Variants in PDLIM4 observed in about 807,000 individuals in gnomAD.
The protein encoded by PDLIM4 is PDZ and LIM domain 4.
A neutral mutation model predicts 31.3 loss-of-function variants in PDLIM4; 19 were observed. The ratio of observed to expected loss-of-function variants is 0.61; its 90% CI spans 0.42 to 0.89. The LOEUF (loss-of-function observed/expected upper bound fraction) is 0.89, where lower values mean the gene tolerates loss of function less well. Among genes scored for constraint, PDLIM4 ranks in the 40% least tolerant of loss-of-function variants. The pLI is 0.00. For missense variants in PDLIM4, 442 were observed against 461.1 expected (o/e 0.96, Z 0.38); for synonymous variants, 176 against 190.1 (o/e 0.93, Z 0.61).
chr5:132,263,518 G>C (rs1339368277), intron 2 of PDLIM4, among the ~76,000 whole-genome samples: 1 of 152,056 alleles, frequency 6.6e-6, no homozygotes, highest in Non-Finnish European at 1.5e-5. Context: ...GGGTGGGGGT[G>C]GGGGGACCCA....
At chr5:132,271,687 A>C (rs1756621875) in intron 5 of PDLIM4, 104 bp from the exon 6 acceptor site, 10 of 994,448 alleles carry the variant, frequency 1.0e-5, no homozygotes, top group Non-Finnish European at 1.6e-5. Flanking sequence ...CCCGTTCCCC[A>C]GTCTCGGGTG....
intron 3 of PDLIM4, chr5:132,270,372 T>G (rs1400619504): frequency 6.5e-6 from 1 of 153,404 alleles, no homozygotes; most frequent in Non-Finnish European, 1.5e-5. Flanking sequence ...AATGGCACTC[T>G]TGAGCCTCAG....
Position 132,258,594 on chromosome 5 carries a change from T to G in PDLIM4, c.93+767T>G, listed in dbSNP as rs749752650. 5.6e-4 allele frequency among the ~76,000 whole-genome samples: 85 copies of G among 152,054 alleles called. 1 individual carries two copies. The highest frequency in any genetic ancestry group is 9.2e-4 in the Admixed American group (14 of 15,278). On this transcript the variant is annotated intron_variant, in intron 1 of 6. Transcript: ENST00000253754. The stretch of plus-strand genomic sequence containing the variant: ...GGAGTGGAGGAGGTGACTCAGGCCC[T>G]GTTCGAGGGGGTGCCTGTCTAGGGG...
intron 3 of PDLIM4, among the ~76,000 whole-genome samples, chr5:132,267,753 G>A (rs1561522401): frequency 6.6e-6 from 1 of 152,170 alleles, no homozygotes; most frequent in Admixed American, 6.5e-5. Context: ...GGTGAGAGAT[G>A]AGGTGGTGGA....
intron 1 of PDLIM4, among the ~76,000 whole-genome samples, chr5:132,260,443 G>A (rs575088189): frequency 9.2e-5 from 14 of 152,210 alleles, no homozygotes; most frequent in African/African-American, 3.1e-4. Context: ...ACAAGACTCT[G>A]CAATATCTGA....
At position 132,272,305 on chromosome 5, in the gene PDLIM4, T is replaced by C; in HGVS notation, c.*76T>C. 8.1e-7 allele frequency: 1 copy of C among 1,228,740 alleles called. No individual in the cohort carries two copies. The highest frequency in any genetic ancestry group is 1.2e-6 in the Non-Finnish European group (1 of 850,404). 76.1% of individuals were successfully genotyped at this position (1,228,740 alleles called of 1,614,324 possible). On this transcript the variant is annotated 3_prime_UTR_variant, in exon 7 of 7. Coordinates refer to ENST00000253754, the MANE Select transcript of PDLIM4 (RefSeq NM_003687.4). ...GTAAATATGTTTCACCCTGTCCCTC[T>C]AATAAAGCTCCTCTGCTCCACCTTG...
chr5:132,271,583 C>T (rs1174164146), intron 5 of PDLIM4, 117 bp downstream of exon 5: 7 of 1,152,822 alleles, frequency 6.1e-6, no homozygotes, highest in Non-Finnish European at 9.0e-6. Flanking sequence ...TCTCTGCGGC[C>T]CGGTCCCACG....
intron 1 of PDLIM4, among the ~76,000 whole-genome samples, chr5:132,259,781 T>C (rs1756334563): frequency 6.6e-6 from 1 of 152,084 alleles, no homozygotes; most frequent in African/African-American, 2.4e-5. Context: ...GGCTGGGGGC[T>C]TGCAATCTCA....
At chr5:132,259,381 C>T (rs986121848) in intron 1 of PDLIM4, among the ~76,000 whole-genome samples, 3 of 152,098 alleles carry the variant, frequency 2.0e-5, no homozygotes, top group African/African-American at 7.2e-5. Context: ...GTCACAGCTG[C>T]GGCTGCGGCA....
chr5:132,271,533 C>T (rs1417537329), intron 5 of PDLIM4, 67 bp downstream of exon 5: 2 of 1,510,678 alleles, frequency 1.3e-6, no homozygotes, highest in Non-Finnish European at 1.8e-6. Context: ...TGCCCCCTAG[C>T]GACCCCACGT....
chr5:132,264,781 G>C (rs1756453747), intron 2 of PDLIM4, among the ~76,000 whole-genome samples: 1 of 129,542 alleles, frequency 7.7e-6, no homozygotes, highest in African/African-American at 3.0e-5. Context: ...CACCCACACA[G>C]CAAGGGCTCT....
At chr5:132,264,583 G>A (rs1174141177) in intron 2 of PDLIM4, among the ~76,000 whole-genome samples, 1 of 64,992 alleles carries the variant, frequency 1.5e-5, no homozygotes. Context: ...GTCCTGCCCT[G>A]CAGCCCCCTC....
At position 132,272,108 on chromosome 5, in the gene PDLIM4, G is replaced by C; in HGVS notation, c.872G>C (p.Arg291Pro). Residue 291 changes from arginine (R) to proline (P), a missense_variant, in exon 7 of 7, where the codon CGT becomes CCT. Physicochemically the swap from Arg to Pro is moderately radical, Grantham distance 103. Coordinates refer to ENST00000253754, the MANE Select transcript of PDLIM4 (RefSeq NM_003687.4). ...CSDCGLNLKQ[R>P]GYFFLDERLY... ...GACTGCGGCCTGAACCTCAAGCAGC[G>C]TGGTTACTTCTTTCTGGACGAGCGG... 7 of 1,614,218 alleles carry C rather than the reference G, an allele frequency of 4.3e-6. No individual in the cohort carries two copies. The highest frequency in any genetic ancestry group is 5.9e-6 in the Non-Finnish European group (7 of 1,180,022).
chr5:132,262,441 A>T (rs1215214030), intron 1 of PDLIM4, among the ~76,000 whole-genome samples, 168 bp from the exon 2 acceptor site: 1 of 152,212 alleles, frequency 6.6e-6, no homozygotes, highest in African/African-American at 2.4e-5. Context: ...GCAAGGCTGC[A>T]GCCAGGCTAC....
At chr5:132,271,987 A>C in intron 6 of PDLIM4, 38 bp from the exon 7 acceptor site, 1 of 1,603,614 alleles carries the variant, frequency 6.2e-7, no homozygotes, top group Non-Finnish European at 8.5e-7. Flanking sequence ...TGAACCCATC[A>C]GTCACTCGAC....
chr5:132,271,324 C>T lies in PDLIM4; in HGVS notation c.528C>T (p.Leu176=). 1 of 1,597,000 alleles carries T rather than the reference C, an allele frequency of 6.3e-7. No homozygotes were observed. The highest frequency in any genetic ancestry group is 8.5e-7 in the Non-Finnish European group (1 of 1,173,208). Residue 176 remains leucine, a synonymous_variant, in exon 5 of 7, where the codon CTC becomes CTT. Coordinates refer to ENST00000253754, the MANE Select transcript of PDLIM4 (RefSeq NM_003687.4). ...CCAGCGCTGACCCAGCCAGAGGCCT[C>T]CCGCGGAGCCGGGACTGCAGAGTCG... ...PPPSADPARG[L]PRSRDCRVDL...
At position 132,272,069 on chromosome 5, in the gene PDLIM4, G is replaced by A; in HGVS notation, c.833G>A (p.Cys278Tyr). 1 of 1,614,262 alleles carries A rather than the reference G, an allele frequency of 6.2e-7. No individual in the cohort carries two copies. The highest frequency in any genetic ancestry group is 1.1e-5 in the South Asian group (1 of 91,092). ...CGGGACAAGCTCTACCATCCCGAGT[G>A]CTTCATGTGCAGTGACTGCGGCCTG... ...KARDKLYHPE[C>Y]FMCSDCGLNL... The change falls in exon 7 of 7, where the codon TGC (cysteine) becomes TAC (tyrosine). Residue 278 changes from cysteine to tyrosine, a missense_variant. Coordinates refer to ENST00000253754, the MANE Select transcript of PDLIM4 (RefSeq NM_003687.4).
chr5:132,270,863 GA>G, intron 3 of PDLIM4, 51 bp from the exon 4 acceptor site: 7 of 1,544,718 alleles, frequency 4.5e-6, no homozygotes, highest in Non-Finnish European at 6.3e-6. Flanking sequence ...GGTGAACAAG[GA>G]ATGGCTGGAG....
At position 132,272,131 on chromosome 5, in the gene PDLIM4, C is replaced by A; in HGVS notation, c.895C>A (p.Arg299=). Residue 299 remains arginine, a synonymous_variant, in exon 7 of 7, where the codon CGG becomes AGG. Coordinates refer to ENST00000253754, the MANE Select transcript of PDLIM4 (RefSeq NM_003687.4). ...GCGTGGTTACTTCTTTCTGGACGAG[C>A]GGCTCTACTGTGAGAGCCACGCCAA... ...KQRGYFFLDE[R]LYCESHAKAR... is the part of the protein sequence containing the mutation. The A allele has an allele frequency of 1.9e-6, 3 of 1,614,160 alleles. No homozygotes were observed. Among genetic ancestry groups the A allele is most frequent in the South Asian group, 2.2e-5 (2 of 91,086 alleles).
Sources: gnomAD v4.1 joint callset for allele counts (sites outside exome capture counted in the v4.1 genomes callset) on GRCh38, gnomAD v4.1.1 for gene constraint, MANE v1.5 for transcripts, NCBI Gene and HGNC (gene_info 2026-07-23, HGNC 2026-07-21) for gene names.